THADA: variants seen among roughly 807,000 people sequenced by gnomAD.
The protein encoded by THADA is tRNA (32-2'-O)-methyltransferase regulator THADA.
In THADA, 213 loss-of-function variants were observed where a neutral mutation model predicts 219.8. That is an observed-to-expected ratio of 0.97 (90% CI 0.87 to 1.09). The LOEUF is 1.09. Ranked by LOEUF, THADA falls within the 50% of genes least tolerant of loss-of-function variation. The probability of loss-of-function intolerance (pLI) is 0.00; values close to 1 mark genes in which losing one functional copy is unlikely to be tolerated. For missense variants in THADA, 2,956 were observed against 2,311.3 expected (o/e 1.28, Z -5.72); for synonymous variants, 1,018 against 828.9 (o/e 1.23, Z -3.92).
At chr2:43,287,332 T>C (rs1452794059) in intron 34 of THADA, among the ~76,000 whole-genome samples, 1 of 152,194 alleles carries the variant, frequency 6.6e-6, no homozygotes, top group Non-Finnish European at 1.5e-5. Flanking sequence ...TCTTGCTCTG[T>C]TGCCCAGGCT....
In THADA at chr2:43,387,507, G is replaced by A. The variant is rs145294742; in HGVS notation, c.4227+10464C>T. Among the ~76,000 whole-genome samples, 16 of 152,212 alleles carry A rather than the reference G, an allele frequency of 1.1e-4. 1 individual carries two copies. The highest frequency in any genetic ancestry group is 3.9e-4 in the African/African-American group (16 of 41,526). On this transcript the variant is annotated intron_variant, in intron 29 of 37. Transcript: ENST00000405975. ...TATGCACAGCTCACTGTAGTATGCT[G>A]AGCCACAACTTCTGCCCGGGTCAGG...
chr2:43,298,460 C>T (rs1675853313), intron 31 of THADA, among the ~76,000 whole-genome samples: 1 of 133,944 alleles, frequency 7.5e-6, no homozygotes, highest in Non-Finnish European at 1.6e-5. Flanking sequence ...ACAAACACTG[C>T]GGAAGGCCGC....
chr2:43,426,758 C>A (rs769049937), intron 28 of THADA, among the ~76,000 whole-genome samples: 2 of 152,194 alleles, frequency 1.3e-5, no homozygotes, highest in African/African-American at 2.4e-5. Flanking sequence ...TAGGACACTA[C>A]ATACATAAGA....
At chr2:43,404,569 C>T (rs891467128) in intron 28 of THADA, among the ~76,000 whole-genome samples, 1 of 152,074 alleles carries the variant, frequency 6.6e-6, no homozygotes, top group African/African-American at 2.4e-5. Flanking sequence ...CTTCCCTCTG[C>T]CTACTCCAAT....
chr2:43,517,986 G>A (rs1485838096), intron 22 of THADA, among the ~76,000 whole-genome samples: 1 of 152,150 alleles, frequency 6.6e-6, no homozygotes. Context: ...GCTGCTTCTT[G>A]CCATTCAGGC....
In THADA at chr2:43,592,470, T is replaced by C. The variant is rs564958909; in HGVS notation, c.-24-54A>G. On this transcript the variant is annotated intron_variant, in intron 1 of 37. Coordinates refer to ENST00000405975, the MANE Select transcript of THADA (RefSeq NM_022065.5). Reference sequence around the variant, plus strand: ...ATGTAAGGTTTCTCAACCTCAGCACTATGATTTTTGGCTGGGTTCATTCTT... The same window carrying C: ...ATGTAAGGTTTCTCAACCTCAGCACCATGATTTTTGGCTGGGTTCATTCTT... The C allele has an allele frequency of 7.3e-4, 796 of 1,086,882 alleles. 1 individual carries two copies. The highest frequency in any genetic ancestry group is 2.9e-3 in the Middle Eastern group (14 of 4,876). The allele number at this position is 1,086,882 out of a possible 1,614,324, so 67.3% of individuals were successfully genotyped here.
chr2:43,253,607 T>C (rs895653070), intron 36 of THADA, among the ~76,000 whole-genome samples: 4 of 152,162 alleles, frequency 2.6e-5, no homozygotes, highest in African/African-American at 9.7e-5. Context: ...TGATGGGTCT[T>C]CGTTATTCCC....
chr2:43,327,372 A>C (rs1425372073), intron 30 of THADA, among the ~76,000 whole-genome samples: 1 of 151,098 alleles, frequency 6.6e-6, no homozygotes, highest in Admixed American at 6.6e-5. Context: ...GACCACCAGC[A>C]GGCCCATAAC....
At chr2:43,389,847 ATC>A (rs1351117900) in intron 29 of THADA, among the ~76,000 whole-genome samples, 1 of 151,576 alleles carries the variant, frequency 6.6e-6, no homozygotes, top group Admixed American at 6.6e-5. Flanking sequence ...CAGATGTGTG[ATC>A]TCGGCCACAT....
chr2:43,527,961 G>A lies in THADA; in HGVS notation c.3292C>T (p.Gln1098Ter). The change falls in exon 22 of 38, where the codon CAA becomes TAA. Residue 1098 changes from glutamine to a stop codon, truncating the protein, a stop_gained. Coordinates refer to ENST00000405975, the MANE Select transcript of THADA (RefSeq NM_022065.5). LOFTEE classifies it high-confidence loss of function. ...CTGTGCCTGGACTGCAAAAGGTGTTGTTTAAAGTAATCTCCTATTTCTTTT... is the reference window on the plus strand; with the variant it reads ...CTGTGCCTGGACTGCAAAAGGTGTTATTTAAAGTAATCTCCTATTTCTTTT... ...QVKEIGDYFK[Q>*]HLLQSRHRGA... is the part of the protein sequence containing the mutation. 6.2e-7 allele frequency: 1 copy of A among 1,612,998 alleles called. No homozygotes were observed. The highest frequency in any genetic ancestry group is 8.5e-7 in the Non-Finnish European group (1 of 1,179,484).
intron 26 of THADA, among the ~76,000 whole-genome samples, chr2:43,470,316 A>G (rs1684760806): frequency 6.6e-6 from 1 of 152,124 alleles, no homozygotes; most frequent in Non-Finnish European, 1.5e-5. Context: ...ACCTAGGAGA[A>G]TCTATCTGTA....
intron 31 of THADA, among the ~76,000 whole-genome samples, chr2:43,316,461 G>A (rs1678094503): frequency 6.6e-6 from 1 of 152,128 alleles, no homozygotes; most frequent in Non-Finnish European, 1.5e-5. Context: ...CTAATCAAGT[G>A]GACTCCTGAC....
intron 19 of THADA, among the ~76,000 whole-genome samples, chr2:43,549,666 A>G (rs1055926381): frequency 2.0e-5 from 3 of 152,226 alleles, no homozygotes; most frequent in African/African-American, 7.2e-5. Context: ...TTGTCTAAAT[A>G]TCTCAAATAT....
chr2:43,365,470 C>T (rs1670025588), intron 29 of THADA, among the ~76,000 whole-genome samples: 2 of 151,690 alleles, frequency 1.3e-5, no homozygotes, highest in African/African-American at 4.8e-5. Context: ...ACTAGGGAGG[C>T]TGAGGCAGGA....
chr2:43,482,096 G>A (rs558015803), intron 26 of THADA, among the ~76,000 whole-genome samples: 2 of 152,270 alleles, frequency 1.3e-5, no homozygotes, highest in Admixed American at 1.3e-4. Flanking sequence ...GAGCTTTGCT[G>A]GTTCTGATTT....
intron 10 of THADA, among the ~76,000 whole-genome samples, chr2:43,575,737 C>T (rs1454407726): frequency 6.6e-6 from 1 of 152,138 alleles, no homozygotes. Flanking sequence ...AGGGTTTCAC[C>T]ATGTTGACCA....
At chr2:43,418,625 A>G (rs893721758) in intron 28 of THADA, among the ~76,000 whole-genome samples, 31 of 152,128 alleles carry the variant, frequency 2.0e-4, no homozygotes, top group African/African-American at 7.0e-4. Flanking sequence ...AGAAAGTTGA[A>G]CTTGTGATTC....
chr2:43,450,828 C>T (rs1017015177), intron 26 of THADA, among the ~76,000 whole-genome samples: 2 of 152,096 alleles, frequency 1.3e-5, no homozygotes, highest in African/African-American at 4.8e-5. Flanking sequence ...GCAGGGGTGG[C>T]TATAAATAAG....
chr2:43,459,193 G>A (rs1342815794), intron 26 of THADA, among the ~76,000 whole-genome samples: 2 of 152,172 alleles, frequency 1.3e-5, no homozygotes, highest in Non-Finnish European at 2.9e-5. Flanking sequence ...ACTTCAGGCT[G>A]CCCTCTCTGT....
Sources: allele counts gnomAD v4.1 joint callset (sites outside exome capture counted in the v4.1 genomes callset), GRCh38; gene constraint gnomAD v4.1.1; transcripts MANE v1.5; gene names NCBI Gene and HGNC (gene_info 2026-07-23, HGNC 2026-07-21).